RTL1: variants seen among roughly 807,000 people sequenced by gnomAD.
The protein encoded by RTL1 is retrotransposon Gag like 1, also known as retrotransposon-like protein 1.
For missense variants in RTL1, 1,681 were observed against 1,767.5 expected (o/e 0.95, Z 0.88); for synonymous variants, 727 against 748.4 (o/e 0.97, Z 0.47).
At position 100,884,488 on chromosome 14, in the gene RTL1, C is replaced by T. The variant is rs1314318966; in HGVS notation, c.301G>A (p.Glu101Lys). The T allele has an allele frequency of 8.7e-6, 14 of 1,614,102 alleles. No individual in the cohort carries two copies. Among genetic ancestry groups the T allele is most frequent in the Non-Finnish European group, 1.0e-5 (12 of 1,180,052 alleles). The change falls in exon 4 of 4, where the codon GAG (glutamate) becomes AAG (lysine). Residue 101 changes from glutamate (E) to lysine (K), a missense_variant. By Grantham distance (56) the Glu-to-Lys change is moderately conservative. Transcript: ENST00000649591. ...GCCTGGTGTGAACCGTTGCATGACT[C>T]CTCCAGGTCTTGGAGTAGGTCATTG... ...PPNDLLQDLEESCNGSHQARG... is the reference protein window; with the variant it reads ...PPNDLLQDLEKSCNGSHQARG...
intron 2 of RTL1, among the ~76,000 whole-genome samples, chr14:100,899,526 C>A (rs1266374193): frequency 2.0e-5 from 3 of 152,076 alleles, no homozygotes; most frequent in Non-Finnish European, 2.9e-5. Flanking sequence ...GGGAGCTTGT[C>A]AGGAGTAACA....
rs866210313 is a variant in RTL1, at chr14:100,881,091, C to T, written c.3698G>A (p.Arg1233Gln). The change falls in exon 4 of 4, where the codon CGA becomes CAA. Residue 1233 changes from arginine to glutamine, a missense_variant. Arg to Gln is a conservative substitution (Grantham distance 43). Transcript: ENST00000649591. This position sits in a 1 kb window ranked among gnomAD's most constrained non-coding sequence, Gnocchi z 6.6. ...HVVGDEDVVL[R>Q]EALQDDLQRY... ...TTGCAGGTCGTCTTGCAGGGCTTCT[C>T]GCAAGACGACATCCTCATCACCAAC... The T allele has an allele frequency of 4.4e-6, 7 of 1,593,986 alleles. No individual in the cohort carries two copies. The highest frequency in any genetic ancestry group is 2.3e-5 in the East Asian group (1 of 43,812).
At chr14:100,889,419 T>G (rs899288270) in intron 3 of RTL1, among the ~76,000 whole-genome samples, 3 of 152,222 alleles carry the variant, frequency 2.0e-5, no homozygotes, top group Non-Finnish European at 4.4e-5. Flanking sequence ...AAAGCTGAAG[T>G]TCTTTTCGCA....
At position 100,883,272 on chromosome 14, in the gene RTL1, A is replaced by T. The variant is rs1409051070; in HGVS notation, c.1517T>A (p.Ile506Asn). Residue 506 changes from isoleucine to asparagine, a missense_variant, in exon 4 of 4, where the codon ATC (isoleucine) becomes AAC (asparagine). Physicochemically the swap from Ile to Asn is moderately radical, Grantham distance 149. Coordinates refer to ENST00000649591, the MANE Select transcript of RTL1 (RefSeq NM_001134888.3). This position sits in a 1 kb window ranked among gnomAD's most constrained non-coding sequence, Gnocchi z 5.9. ...GGGGGCGTGGACTCGGAGCCAGCGGATGCCTAGGACCACAGAGAAGTTCGG... is the reference window on the plus strand; with the variant it reads ...GGGGGCGTGGACTCGGAGCCAGCGGTTGCCTAGGACCACAGAGAAGTTCGG... ...PSPNFSVVLGIRWLRVHAPEV... is the reference protein window; with the variant it reads ...PSPNFSVVLGNRWLRVHAPEV... 4 of 1,550,986 alleles carry T rather than the reference A, an allele frequency of 2.6e-6. No individual in the cohort carries two copies. The highest frequency in any genetic ancestry group is 3.5e-6 in the Non-Finnish European group (4 of 1,146,664).
At position 100,893,405 on chromosome 14, in the gene RTL1, TG is replaced by T. The variant is rs912850053; in HGVS notation, c.-87+38del. ...CTCCCCTGCCTGCCCACCCGATCCCTGGGGGAGGTCGACATGGGACCTCTGC... is the reference window on the plus strand; with the variant it reads ...CTCCCCTGCCTGCCCACCCGATCCCTGGGGAGGTCGACATGGGACCTCTGC... On this transcript the variant is annotated intron_variant, in intron 3 of 3. Coordinates refer to ENST00000649591, the MANE Select transcript of RTL1 (RefSeq NM_001134888.3). The surrounding 1 kb of genome is among the most constrained non-coding windows in gnomAD (Gnocchi z 4.2). 5.3e-5 allele frequency among the ~76,000 whole-genome samples: 8 copies of T among 152,134 alleles called. No homozygotes were observed. The highest frequency in any genetic ancestry group is 1.4e-4 in the African/African-American group (6 of 41,430).
At position 100,884,893 on chromosome 14, in the gene RTL1, T is replaced by G. The variant is rs1595336609; in HGVS notation, c.-86-19A>C. The stretch of plus-strand genomic sequence containing the variant: ...TCAGAACCTGGTGGTGGAAGGGGAG[T>G]GTGGGGAGTAAAGGCAGTAGTTTAG... On this transcript the variant is annotated intron_variant, in intron 3 of 3. Coordinates refer to ENST00000649591, the MANE Select transcript of RTL1 (RefSeq NM_001134888.3). The G allele has an allele frequency of 9.3e-7, 1 of 1,079,468 alleles. No individual in the cohort carries two copies. The highest frequency in any genetic ancestry group is 1.3e-6 in the Non-Finnish European group (1 of 758,064). The allele number at this position is 1,079,468 out of a possible 1,614,324, so 66.9% of individuals were successfully genotyped here. A position where few individuals can be genotyped will look rare whatever the true frequency, so the allele number is the denominator to read the frequency against.
intron 3 of RTL1, among the ~76,000 whole-genome samples, chr14:100,888,679 C>T (rs974431981): frequency 5.3e-5 from 8 of 152,106 alleles, no homozygotes; most frequent in East Asian, 1.9e-4. Flanking sequence ...ATTTATCAAA[C>T]GCAAAAAACT....
At chr14:100,898,110 G>C (rs1447610282) in intron 2 of RTL1, 1 of 302,224 alleles carries the variant, frequency 3.3e-6, no homozygotes, top group African/African-American at 2.1e-5. Context: ...CCAGCTGAAA[G>C]TGCTCTGGGG....
In RTL1 at chr14:100,884,623, T is replaced by C. The variant is rs1302634023; in HGVS notation, c.166A>G (p.Lys56Glu). The C allele has an allele frequency of 1.7e-5, 27 of 1,613,612 alleles. No individual in the cohort carries two copies. The highest frequency in any genetic ancestry group is 2.2e-5 in the East Asian group (1 of 44,876). The change falls in exon 4 of 4, where the codon AAG becomes GAG. Residue 56 changes from lysine (K) to glutamate (E), a missense_variant. Coordinates refer to ENST00000649591, the MANE Select transcript of RTL1 (RefSeq NM_001134888.3). ...GPASGPAQEKKEPPSGPLQEM... is the reference protein window; with the variant it reads ...GPASGPAQEKEEPPSGPLQEM... ...TGGAGTGGGCCACTGGGGGGCTCCT[T>C]CTTTTCCTGGGCTGGGCCGCTGGCT...
In RTL1 at chr14:100,884,524, C is replaced by T. The variant is rs935375742; in HGVS notation, c.265G>A (p.Glu89Lys). The T allele has an allele frequency of 2.5e-6, 4 of 1,613,682 alleles. No homozygotes were observed. Among genetic ancestry groups the T allele is most frequent in the Admixed American group, 1.7e-5 (1 of 60,010 alleles). Residue 89 changes from glutamate (E) to lysine (K), a missense_variant, in exon 4 of 4, where the codon GAG becomes AAG. Physicochemically the swap from Glu to Lys is moderately conservative, Grantham distance 56. Coordinates refer to ENST00000649591, the MANE Select transcript of RTL1 (RefSeq NM_001134888.3). ...EPSSGPRKEI[E>K]DPPNDLLQDL... ...TGGAGTAGGTCATTGGGTGGATCCT[C>T]TATTTCCTTACGTGGGCCACTGGAT... is the stretch of plus-strand genomic sequence containing the variant.
At chr14:100,887,312 T>A (rs1484914143) in intron 3 of RTL1, among the ~76,000 whole-genome samples, 2 of 152,220 alleles carry the variant, frequency 1.3e-5, no homozygotes. Flanking sequence ...AATTTGCTCT[T>A]ATAACTTCTG....
intron 3 of RTL1, among the ~76,000 whole-genome samples, chr14:100,891,576 T>C (rs553078446): frequency 6.6e-6 from 1 of 152,300 alleles, no homozygotes; most frequent in Non-Finnish European, 1.5e-5. Flanking sequence ...CCCTCTATGC[T>C]TGACTGGCAG....
chr14:100,898,514 T>G (rs935805660), intron 2 of RTL1, among the ~76,000 whole-genome samples: 11 of 152,342 alleles, frequency 7.2e-5, no homozygotes, highest in Middle Eastern at 3.4e-3. Flanking sequence ...CTTTAAAGCC[T>G]CCATCTGACT....
rs2038655700 is a variant in RTL1 at position 100,883,746 on chromosome 14, T to C, written c.1043A>G (p.Asp348Gly). 1.9e-6 allele frequency: 3 copies of C among 1,551,542 alleles called. No homozygotes were observed. In the South Asian group the frequency reaches 3.6e-5, roughly 18 times the overall value. Residue 348 changes from aspartate (D) to glycine (G), a missense_variant, in exon 4 of 4, where the codon GAC (aspartate) becomes GGC (glycine). Physicochemically the swap from Asp to Gly is moderately conservative, Grantham distance 94. Coordinates refer to ENST00000649591, the MANE Select transcript of RTL1 (RefSeq NM_001134888.3). This position sits in a 1 kb window ranked among gnomAD's most constrained non-coding sequence, Gnocchi z 5.9. ...TTGCAGGATGAGCACAATCAGACTG[T>C]CTAGGGAATCCGGCTGAGGGACCCG... Reference protein sequence around the residue: ...LFRVPQPDSLDSLIVLILQIE... With the variant: ...LFRVPQPDSLGSLIVLILQIE...
intron 2 of RTL1, among the ~76,000 whole-genome samples, chr14:100,902,359 C>G (rs1197071657): frequency 6.6e-6 from 1 of 152,254 alleles, no homozygotes; most frequent in Non-Finnish European, 1.5e-5. Flanking sequence ...GTCCTAACAC[C>G]TCTGTCTCTG....
At chr14:100,894,248 T>C (rs1182914298) in intron 2 of RTL1, among the ~76,000 whole-genome samples, 3 of 140,902 alleles carry the variant, frequency 2.1e-5, no homozygotes, top group Non-Finnish European at 4.5e-5. Flanking sequence ...AGATGGAGGC[T>C]GCAGTGAGCC....
chr14:100,892,472 C>T (rs1005773819), intron 3 of RTL1, among the ~76,000 whole-genome samples: 5 of 152,156 alleles, frequency 3.3e-5, no homozygotes, highest in Non-Finnish European at 1.5e-5. Context: ...GGATAGCTAC[C>T]GTCATTAGGA....
Position 100,881,260 on chromosome 14 carries a change from C to T in RTL1, c.3529G>A (p.Ala1177Thr), listed in dbSNP as rs753471615. The T allele has an allele frequency of 3.9e-6, 6 of 1,549,814 alleles. No homozygotes were observed. Among genetic ancestry groups the T allele is most frequent in the African/African-American group, 2.7e-5 (2 of 72,998 alleles). ...CCTCGGTGGGCCTGGGAGTGCAGAGCATTTCGCTGCCAGCGGCCAGGGCCC... is the reference window on the plus strand; with the variant it reads ...CCTCGGTGGGCCTGGGAGTGCAGAGTATTTCGCTGCCAGCGGCCAGGGCCC... ...FLGPGRWQRNALHSQAHRGLQ... is the reference protein window; with the variant it reads ...FLGPGRWQRNTLHSQAHRGLQ... The change falls in exon 4 of 4, where the codon GCT becomes ACT. Residue 1177 changes from alanine (A) to threonine (T), a missense_variant. Ala to Thr is a moderately conservative substitution (Grantham distance 58). Transcript: ENST00000649591. This position sits in a 1 kb window ranked among gnomAD's most constrained non-coding sequence, Gnocchi z 6.6.
chr14:100,882,216 C>T lies in RTL1; in HGVS notation c.2573G>A (p.Arg858Lys). The part of the protein sequence containing the change: ...EEQEAFECLK[R>K]AFRKAPLLHH... ...GAGGAGAGGCGCCTTGCGGAAAGCC[C>T]TCTTCAGGCACTCGAAGGCCTCTTG... The change falls in exon 4 of 4, where the codon AGG becomes AAG. Residue 858 changes from arginine (R) to lysine (K), a missense_variant. Arg to Lys is a conservative substitution (Grantham distance 26). Transcript: ENST00000649591. 1 of 1,551,052 alleles carries T rather than the reference C, an allele frequency of 6.4e-7. No individual in the cohort carries two copies. The highest frequency in any genetic ancestry group is 8.7e-7 in the Non-Finnish European group (1 of 1,146,994).
Sources: allele counts gnomAD v4.1 joint callset (sites outside exome capture counted in the v4.1 genomes callset), GRCh38; gene constraint gnomAD v4.1.1; non-coding constraint Gnocchi (gnomAD v3.1); transcripts MANE v1.5; gene names NCBI Gene and HGNC (gene_info 2026-07-23, HGNC 2026-07-21).